The following NELL1 variants were observed in gnomAD, a reference collection of about 807,000 sequenced individuals.
The protein encoded by NELL1 is protein kinase C-binding protein NELL1.
NELL1 carries 76 observed loss-of-function variants against 107.4 expected under a neutral mutation model. That is an observed-to-expected ratio of 0.71 (90% CI 0.59 to 0.86). NELL1 has a LOEUF of 0.86. NELL1 is among the 40% of genes least tolerant of loss of function. The probability of loss-of-function intolerance (pLI) is 0.00; values close to 1 mark genes in which losing one functional copy is unlikely to be tolerated. For synonymous variants in NELL1, 353 were observed against 341.2 expected (o/e 1.03, Z -0.38); for missense variants, 1,024 against 1,005.5 (o/e 1.02, Z -0.25).
intron 3 of NELL1, among the ~76,000 whole-genome samples, chr11:20,792,643 T>C (rs1857097925): frequency 6.6e-6 from 1 of 152,026 alleles, no homozygotes; most frequent in Non-Finnish European, 1.5e-5. Flanking sequence ...CTTTTATCTA[T>C]TAACATAAGT....
chr11:21,290,375 T>A lies in NELL1; in HGVS notation c.1549+60921T>A, dbSNP rs1028654564. On this transcript the variant is annotated intron_variant, in intron 14 of 19. Coordinates refer to ENST00000357134, the MANE Select transcript of NELL1 (RefSeq NM_006157.5). ...CAGAGCAAGACGCCATCTCAAAAAATAAATAAATAAATAAAATAAATAGAT... is the reference window on the plus strand; with the variant it reads ...CAGAGCAAGACGCCATCTCAAAAAAAAAATAAATAAATAAAATAAATAGAT... 8.9e-5 allele frequency among the ~76,000 whole-genome samples: 12 copies of A among 135,408 alleles called. No homozygotes were observed. In the South Asian group the frequency reaches 1.4e-3, roughly 16 times the overall value. 88.8% of individuals were successfully genotyped at this position (135,408 alleles called of 152,430 possible).
chr11:21,507,600 A>G (rs1055291378), intron 15 of NELL1, among the ~76,000 whole-genome samples: 4 of 152,204 alleles, frequency 2.6e-5, no homozygotes, highest in Admixed American at 2.6e-4. Flanking sequence ...TTTTGTGAGC[A>G]TAGAAGAAAG....
intron 12 of NELL1, among the ~76,000 whole-genome samples, chr11:21,055,368 A>G (rs1368222411): frequency 6.6e-6 from 1 of 152,080 alleles, no homozygotes. Flanking sequence ...AATTTCAAAT[A>G]TACATTTTAA....
intron 2 of NELL1, among the ~76,000 whole-genome samples, chr11:20,742,322 A>G (rs1056427518): frequency 6.6e-6 from 1 of 152,098 alleles, no homozygotes; most frequent in Non-Finnish European, 1.5e-5. Context: ...TAGTAGGGGG[A>G]AACCAAGAGG....
At chr11:20,808,993 C>CT (rs1371290384) in intron 3 of NELL1, among the ~76,000 whole-genome samples, 4 of 152,198 alleles carry the variant, frequency 2.6e-5, no homozygotes, top group East Asian at 1.9e-4. Context: ...TATAAAGATG[C>CT]TTTTTTGTGT....
chr11:21,002,862 C>T (rs1180579037), intron 12 of NELL1, among the ~76,000 whole-genome samples: 1 of 152,144 alleles, frequency 6.6e-6, no homozygotes, highest in African/African-American at 2.4e-5. Flanking sequence ...TTTCAGCAAA[C>T]TTTGGCTATT....
intron 15 of NELL1, among the ~76,000 whole-genome samples, chr11:21,397,505 A>G (rs1483478905): frequency 6.6e-6 from 1 of 151,610 alleles, no homozygotes; most frequent in African/African-American, 2.4e-5. Context: ...GTGTACGTAC[A>G]CTTCTAAATT....
At chr11:21,529,131 G>T (rs1855932677) in intron 15 of NELL1, among the ~76,000 whole-genome samples, 1 of 152,058 alleles carries the variant, frequency 6.6e-6, no homozygotes, top group South Asian at 2.1e-4. Flanking sequence ...GTCTGTGGAA[G>T]GGCCCTGGTC....
chr11:20,979,509 C>A lies in NELL1; in HGVS notation c.1300+18949C>A, dbSNP rs141631727. On this transcript the variant is annotated intron_variant, in intron 12 of 19. Coordinates refer to ENST00000357134, the MANE Select transcript of NELL1 (RefSeq NM_006157.5). ...AAATAATCTTTGCTCTGAAATAATA[C>A]CTGCTTTAAACCAGCACTGTAAAGT... 1.1e-4 allele frequency among the ~76,000 whole-genome samples: 16 copies of A among 152,218 alleles called. No individual in the cohort carries two copies. In the East Asian group the frequency reaches 3.1e-3, roughly 29 times the overall value.
At chr11:20,698,017 T>C (rs1854669888) in intron 2 of NELL1, among the ~76,000 whole-genome samples, 1 of 152,190 alleles carries the variant, frequency 6.6e-6, no homozygotes, top group Non-Finnish European at 1.5e-5. Flanking sequence ...TGAATTGTTT[T>C]TTCTGTTGAT....
intron 14 of NELL1, among the ~76,000 whole-genome samples, chr11:21,246,093 C>T (rs539270802): frequency 1.8e-4 from 28 of 152,186 alleles, no homozygotes; most frequent in Non-Finnish European, 2.9e-4. Flanking sequence ...CCTGCAAGCC[C>T]ACCCATATGA....
Position 21,534,383 on chromosome 11 carries a change from A to C in NELL1, c.1655A>C (p.Glu552Ala). The C allele has an allele frequency of 6.2e-7, 1 of 1,613,784 alleles. No homozygotes were observed. The highest frequency in any genetic ancestry group is 8.5e-7 in the Non-Finnish European group (1 of 1,179,762). Residue 552 changes from glutamate to alanine, a missense_variant, in exon 16 of 20, where the codon GAA becomes GCA. Coordinates refer to ENST00000357134, the MANE Select transcript of NELL1 (RefSeq NM_006157.5). ...TTTTTCTCTGAGGCAGATATTGATG[A>C]ATGTTCAGAGGGAATCATTGAGTGC... ...TGSHCEKDID[E>A]CSEGIIECHN... is the part of the protein sequence containing the mutation.
At chr11:21,247,907 T>G (rs780771052) in intron 14 of NELL1, among the ~76,000 whole-genome samples, 1 of 152,226 alleles carries the variant, frequency 6.6e-6, no homozygotes, top group Non-Finnish European at 1.5e-5. Flanking sequence ...TTCAGCTTCC[T>G]TATAATCTTA....
chr11:20,725,804 A>G (rs1416815727), intron 2 of NELL1, among the ~76,000 whole-genome samples: 5 of 152,166 alleles, frequency 3.3e-5, no homozygotes, highest in African/African-American at 4.8e-5. Context: ...TTTGTTACCT[A>G]GGTATATTGT....
At chr11:20,985,087 T>C (rs1851825746) in intron 12 of NELL1, among the ~76,000 whole-genome samples, 1 of 152,204 alleles carries the variant, frequency 6.6e-6, no homozygotes, top group African/African-American at 2.4e-5. Context: ...ATGATTAAAC[T>C]GGGTCAAGTT....
At chr11:21,061,843 T>C (rs1853749774) in intron 12 of NELL1, among the ~76,000 whole-genome samples, 1 of 152,204 alleles carries the variant, frequency 6.6e-6, no homozygotes, top group South Asian at 2.1e-4. Context: ...AGACATTAAC[T>C]GAGCCATGTT....
At position 20,766,742 on chromosome 11, in the gene NELL1, T is replaced by A. The variant is rs868365324; in HGVS notation, c.185-16938T>A. Among the ~76,000 whole-genome samples, 256 of 137,994 alleles carry A rather than the reference T, an allele frequency of 1.9e-3. 1 individual carries two copies. Among genetic ancestry groups the A allele is most frequent in the African/African-American group, 4.0e-3 (157 of 39,324 alleles). The allele number at this position is 137,994 out of a possible 152,430, so 90.5% of individuals were successfully genotyped here. ...TAAATCCTATTTCCTATTGACATAT[T>A]TTTTTTTTTTTTTTGTTTCAGACAG... On this transcript the variant is annotated intron_variant, in intron 2 of 19. Transcript: ENST00000357134.
intron 3 of NELL1, among the ~76,000 whole-genome samples, chr11:20,840,495 C>T (rs1419909976): frequency 6.6e-6 from 1 of 152,188 alleles, no homozygotes; most frequent in Non-Finnish European, 1.5e-5. Context: ...GGTGTTTTCA[C>T]TCATAAAGCT....
In NELL1 at chr11:21,226,310, G is replaced by A. The variant is rs78198894; in HGVS notation, c.1427-3022G>A. On this transcript the variant is annotated intron_variant, in intron 13 of 19. Coordinates refer to ENST00000357134, the MANE Select transcript of NELL1 (RefSeq NM_006157.5). ...GGGCAAAAATACAGGAAGACAGTTC[G>A]TTGTTGGCATTATGATATCATTTCC... Among the ~76,000 whole-genome samples the A allele has an allele frequency of 1.1e-3, 165 of 152,258 alleles. No individual in the cohort carries two copies. In the East Asian group the frequency reaches 0.02, roughly 19 times the overall value.
Sources: gnomAD v4.1 joint callset for allele counts (sites outside exome capture counted in the v4.1 genomes callset) on GRCh38, gnomAD v4.1.1 for gene constraint, MANE v1.5 for transcripts, NCBI Gene and HGNC (gene_info 2026-07-23, HGNC 2026-07-21) for gene names.